Variants in EDN3 observed in about 807,000 individuals in gnomAD.
EDN3 encodes endothelin-3.
In EDN3, 9 loss-of-function variants were observed where a neutral mutation model predicts 21.4. That is an observed-to-expected ratio of 0.42 (90% CI 0.25 to 0.73). The LOEUF (loss-of-function observed/expected upper bound fraction) is 0.73, where lower values mean the gene tolerates loss of function less well. EDN3 is among the 30% of genes least tolerant of loss of function. The pLI is 0.26. For missense variants in EDN3, 327 were observed against 309.4 expected, an observed-to-expected ratio of 1.06 and a Z score of -0.43; for synonymous variants, 133 against 126.2, an observed-to-expected ratio of 1.05 and a Z score of -0.36.
rs539390797 is a variant in EDN3, at chr20:59,305,184, T to C, written c.365+3462T>C. Among the ~76,000 whole-genome samples the C allele has an allele frequency of 1.2e-3, 186 of 152,202 alleles. No individual in the cohort carries two copies. The highest frequency in any genetic ancestry group is 2.3e-3 in the Non-Finnish European group (159 of 68,026). ...GGCTGCTGGGATCACAGTTCATCAA[T>C]GGGATAGCATGATTTCCATTAGCCT... On this transcript the variant is annotated intron_variant, in intron 2 of 4. Coordinates refer to ENST00000337938, the MANE Select transcript of EDN3 (RefSeq NM_207034.3). This position sits in a 1 kb window ranked among gnomAD's most constrained non-coding sequence, Gnocchi z 4.2.
intron 2 of EDN3, among the ~76,000 whole-genome samples, chr20:59,319,783 G>T (rs1008546809): frequency 6.6e-6 from 1 of 151,624 alleles, no homozygotes. Flanking sequence ...AAAAGAAAAT[G>T]CAGAGGGGAT....
At chr20:59,320,717 C>T (rs897875145) in intron 2 of EDN3, among the ~76,000 whole-genome samples, 2 of 152,256 alleles carry the variant, frequency 1.3e-5, no homozygotes, top group Non-Finnish European at 2.9e-5. Context: ...CTCACAAGTG[C>T]AGGCACACAT....
At chr20:59,301,170 A>G (rs1988985915) in intron 1 of EDN3, among the ~76,000 whole-genome samples, 1 of 152,358 alleles carries the variant, frequency 6.6e-6, no homozygotes, top group Non-Finnish European at 1.5e-5. Context: ...GCTGTGCCAA[A>G]CCCTGGCAAA....
rs377641145 is a variant in EDN3 at position 59,321,205 on chromosome 20, C to T, written c.542+12C>T. On this transcript the variant is annotated intron_variant, in intron 3 of 4. Transcript: ENST00000337938. ...CTGGACGTCAGCAGGTATGACACCT[C>T]CTCCAGTTTCACTCATTTGCAGATA... The T allele has an allele frequency of 3.1e-6, 5 of 1,613,996 alleles. No homozygotes were observed. The African/African-American group carries it at 6.7e-5, about 22-fold the overall frequency.
chr20:59,300,668 C>A lies in EDN3; in HGVS notation c.-145C>A. ...ATGACCGCCGCAGCCAACTCCTGGC[C>A]GGAGCTGGAGACGCAGCGAGCGATC... On this transcript the variant is annotated 5_prime_UTR_variant, in exon 1 of 5. Transcript: ENST00000337938. The A allele has an allele frequency of 1.3e-6, 1 of 760,122 alleles. No individual in the cohort carries two copies. The highest frequency in any genetic ancestry group is 2.1e-6 in the Non-Finnish European group (1 of 470,800). The allele number at this position is 760,122 out of a possible 1,614,324, so 47.1% of individuals were successfully genotyped here.
At chr20:59,321,610 G>T (rs557664656) in intron 3 of EDN3, among the ~76,000 whole-genome samples, 16 of 152,218 alleles carry the variant, frequency 1.1e-4, no homozygotes, top group South Asian at 4.1e-4. Flanking sequence ...TTATTGGGAG[G>T]GGGGGGAACC....
intron 2 of EDN3, among the ~76,000 whole-genome samples, chr20:59,308,337 A>T (rs1989568492): frequency 6.6e-6 from 1 of 152,188 alleles, no homozygotes; most frequent in Non-Finnish European, 1.5e-5. Flanking sequence ...TTACGGGAGC[A>T]GGGCAGACAT....
intron 2 of EDN3, among the ~76,000 whole-genome samples, chr20:59,311,716 T>A (rs1989826343): frequency 6.6e-6 from 1 of 151,900 alleles, no homozygotes; most frequent in African/African-American, 2.4e-5. Flanking sequence ...CAATGTCTTG[T>A]GTGGACCTCC....
chr20:59,305,610 T>C lies in EDN3; in HGVS notation c.365+3888T>C, dbSNP rs137875168. ...TGGGCAATGTCCCTCCAGAGATATATATATGGAGAGAGACAAAGAGCAATT... is the reference window on the plus strand; with the variant it reads ...TGGGCAATGTCCCTCCAGAGATATACATATGGAGAGAGACAAAGAGCAATT... On this transcript the variant is annotated intron_variant, in intron 2 of 4. Transcript: ENST00000337938. This position sits in a 1 kb window ranked among gnomAD's most constrained non-coding sequence, Gnocchi z 4.2. 2.3e-3 allele frequency among the ~76,000 whole-genome samples: 349 copies of C among 152,278 alleles called. 2 individuals carry two copies. Among genetic ancestry groups the C allele is most frequent in the African/African-American group, 8.1e-3 (336 of 41,576 alleles).
At chr20:59,306,180 T>A (rs755763967) in intron 2 of EDN3, among the ~76,000 whole-genome samples, 1 of 152,132 alleles carries the variant, frequency 6.6e-6, no homozygotes, top group South Asian at 2.1e-4. Flanking sequence ...GGTGACTGTG[T>A]TTTCCAAACC....
At position 59,322,350 on chromosome 20, in the gene EDN3, A is replaced by T; in HGVS notation, c.543-22A>T. Reference sequence around the variant, plus strand: ...ACAGGGAAAGGCAGGTTGATTGATTAAAACCAGCTCTCTCCCCACAGTAAT... The same window carrying T: ...ACAGGGAAAGGCAGGTTGATTGATTTAAACCAGCTCTCTCCCCACAGTAAT... On this transcript the variant is annotated intron_variant, in intron 3 of 4. Transcript: ENST00000337938. The surrounding 1 kb of genome is among the most constrained non-coding windows in gnomAD (Gnocchi z 4.1). The T allele has an allele frequency of 6.2e-7, 1 of 1,614,196 alleles. No homozygotes were observed. The highest frequency in any genetic ancestry group is 1.6e-4 in the Middle Eastern group (1 of 6,062).
At position 59,301,612 on chromosome 20, in the gene EDN3, C is replaced by G; in HGVS notation, c.255C>G (p.Ala85=). 6.2e-7 allele frequency: 1 copy of G among 1,614,044 alleles called. No individual in the cohort carries two copies. The highest frequency in any genetic ancestry group is 8.5e-7 in the Non-Finnish European group (1 of 1,179,978). The change falls in exon 2 of 5, where the codon GCC becomes GCG. Residue 85 remains alanine (A), a synonymous_variant. Transcript: ENST00000337938. ...SPGSPGQEQA[A]EGAPEHHRSR... Reference sequence around the variant, plus strand: ...GAAGCCCTGGGCAGGAGCAGGCGGCCGAGGGGGCCCCTGAGCACCACCGAT... The same window carrying G: ...GAAGCCCTGGGCAGGAGCAGGCGGCGGAGGGGGCCCCTGAGCACCACCGAT...
At chr20:59,308,352 G>T (rs1989569067) in intron 2 of EDN3, among the ~76,000 whole-genome samples, 1 of 152,202 alleles carries the variant, frequency 6.6e-6, no homozygotes, top group Non-Finnish European at 1.5e-5. Context: ...AGACATAGGA[G>T]GTGGGACTGC....
At chr20:59,310,376 C>G (rs1326440520) in intron 2 of EDN3, among the ~76,000 whole-genome samples, 1 of 152,142 alleles carries the variant, frequency 6.6e-6, no homozygotes, top group South Asian at 2.1e-4. Flanking sequence ...TAATTGCACT[C>G]GGAAAATAAA....
intron 2 of EDN3, among the ~76,000 whole-genome samples, chr20:59,316,438 G>A (rs975641810): frequency 6.6e-6 from 1 of 152,200 alleles, no homozygotes; most frequent in Non-Finnish European, 1.5e-5. Context: ...ATGACAGTTT[G>A]ATAAGCTTTC....
At chr20:59,318,522 G>C (rs1009166605) in intron 2 of EDN3, among the ~76,000 whole-genome samples, 5 of 152,194 alleles carry the variant, frequency 3.3e-5, no homozygotes, top group African/African-American at 1.2e-4. Context: ...CAATGTCAGC[G>C]GCAGGCTCTG....
At chr20:59,318,310 C>T (rs1032334207) in intron 2 of EDN3, among the ~76,000 whole-genome samples, 3 of 152,190 alleles carry the variant, frequency 2.0e-5, no homozygotes, top group African/African-American at 4.8e-5. Context: ...TGGGCCTCCA[C>T]CACATGTCGA....
At chr20:59,306,528 C>CACTAAACT (rs1989420044) in intron 2 of EDN3, among the ~76,000 whole-genome samples, 1 of 141,714 alleles carries the variant, frequency 7.1e-6, no homozygotes, top group Non-Finnish European at 1.5e-5. Flanking sequence ...GATCAAGCCA[C>CACTAAACT]ACTAAACTTA....
At position 59,309,501 on chromosome 20, in the gene EDN3, T is replaced by C. The variant is rs542618950; in HGVS notation, c.365+7779T>C. Among the ~76,000 whole-genome samples, 343 of 152,258 alleles carry C rather than the reference T, an allele frequency of 2.3e-3. 2 individuals are homozygous for C. The highest frequency in any genetic ancestry group is 3.8e-3 in the Non-Finnish European group (257 of 68,010). Reference sequence around the variant, plus strand: ...CCCACAGACATCTATTTAGAAAACATCATTTCATGATGTGCTTTTGAGACG... The same window carrying C: ...CCCACAGACATCTATTTAGAAAACACCATTTCATGATGTGCTTTTGAGACG... On this transcript the variant is annotated intron_variant, in intron 2 of 4. Coordinates refer to ENST00000337938, the MANE Select transcript of EDN3 (RefSeq NM_207034.3).
Sources: gnomAD v4.1 joint callset for allele counts (sites outside exome capture counted in the v4.1 genomes callset) on GRCh38, gnomAD v4.1.1 for gene constraint, Gnocchi (gnomAD v3.1) non-coding constraint, MANE v1.5 for transcripts, NCBI Gene and HGNC (gene_info 2026-07-23, HGNC 2026-07-21) for gene names.